The following GLRA3 variants were observed in gnomAD, a reference collection of about 807,000 sequenced individuals.
GLRA3 encodes glycine receptor alpha 3.
Under a neutral mutation model 60.4 loss-of-function variants are expected in GLRA3, and 44 were observed. The observed-to-expected ratio is 0.73, with a 90% CI of 0.57 to 0.94. The LOEUF is 0.94. GLRA3 is among the 40% of genes least tolerant of loss of function. GLRA3 has a pLI of 0.00. For missense variants in GLRA3, 508 were observed against 564.6 expected, an observed-to-expected ratio of 0.90 and a Z score of 1.02; for synonymous variants, 223 against 192.9, an observed-to-expected ratio of 1.16 and a Z score of -1.29.
intron 3 of GLRA3, among the ~76,000 whole-genome samples, chr4:174,744,253 C>T (rs576042878): frequency 6.6e-6 from 1 of 152,374 alleles, no homozygotes; most frequent in African/African-American, 2.4e-5. Context: ...ACCACACTGG[C>T]TGCTCAGGGA....
intron 5 of GLRA3, among the ~76,000 whole-genome samples, chr4:174,692,129 T>A (rs1734850232): frequency 6.6e-6 from 1 of 151,228 alleles, no homozygotes; most frequent in South Asian, 2.1e-4. Flanking sequence ...CTGCCCCGTC[T>A]GAGAAGTGAG....
chr4:174,647,998 A>G (rs1175973809), intron 9 of GLRA3, among the ~76,000 whole-genome samples: 2 of 152,160 alleles, frequency 1.3e-5, no homozygotes, highest in South Asian at 2.1e-4. Context: ...TACATCTTTA[A>G]TTTAATTGAC....
At chr4:174,782,369 T>A (rs1011901372) in intron 2 of GLRA3, among the ~76,000 whole-genome samples, 1 of 151,804 alleles carries the variant, frequency 6.6e-6, no homozygotes, top group Non-Finnish European at 1.5e-5. Flanking sequence ...TCATACTGAA[T>A]GGGGAAAAAC....
At chr4:174,658,456 G>A (rs967570731) in intron 8 of GLRA3, among the ~76,000 whole-genome samples, 1 of 152,122 alleles carries the variant, frequency 6.6e-6, no homozygotes, top group Non-Finnish European at 1.5e-5. Context: ...TTCCTACGGT[G>A]TCTTCATGAT....
At chr4:174,766,438 T>A (rs2093691512) in intron 3 of GLRA3, among the ~76,000 whole-genome samples, 1 of 152,088 alleles carries the variant, frequency 6.6e-6, no homozygotes, top group South Asian at 2.1e-4. Flanking sequence ...AGAAGAAATT[T>A]GGTCTGTAAT....
chr4:174,804,976 T>C (rs1739975474), intron 1 of GLRA3, among the ~76,000 whole-genome samples: 2 of 152,154 alleles, frequency 1.3e-5, no homozygotes, highest in Admixed American at 1.3e-4. Context: ...CAAAGAAAAG[T>C]GAAGATGGAG....
At chr4:174,788,578 C>A (rs528771458) in intron 2 of GLRA3, among the ~76,000 whole-genome samples, 4 of 79,468 alleles carry the variant, frequency 5.0e-5, no homozygotes, top group Admixed American at 1.8e-4. Context: ...AGTATTATAA[C>A]AGTTAGAGAA....
intron 2 of GLRA3, among the ~76,000 whole-genome samples, chr4:174,784,542 C>G (rs75076972): frequency 2.6e-5 from 4 of 151,300 alleles, no homozygotes; most frequent in African/African-American, 4.9e-5. Flanking sequence ...TGCAAATTCA[C>G]TATTCTTACC....
chr4:174,708,005 G>A (rs893578198), intron 5 of GLRA3, among the ~76,000 whole-genome samples: 5 of 152,096 alleles, frequency 3.3e-5, no homozygotes, highest in Middle Eastern at 3.2e-3. Context: ...TATAAGTAGC[G>A]AGTTCATTAC....
At chr4:174,675,461 T>A (rs1232813926) in intron 7 of GLRA3, among the ~76,000 whole-genome samples, 1 of 152,158 alleles carries the variant, frequency 6.6e-6, no homozygotes, top group African/African-American at 2.4e-5. Context: ...CTTTCTGTTG[T>A]GCCTTGTAGA....
chr4:174,688,911 CA>C (rs1303877343), intron 5 of GLRA3, among the ~76,000 whole-genome samples: 3 of 151,866 alleles, frequency 2.0e-5, no homozygotes, highest in African/African-American at 7.3e-5. Flanking sequence ...AAGTAATAAT[CA>C]AAACAGAAAA....
chr4:174,802,928 T>G (rs913794489), intron 1 of GLRA3, among the ~76,000 whole-genome samples: 1 of 152,058 alleles, frequency 6.6e-6, no homozygotes, highest in African/African-American at 2.4e-5. Context: ...GTATCTATAT[T>G]CAGTGCTTGC....
At chr4:174,669,249 A>T (rs927222715) in intron 7 of GLRA3, among the ~76,000 whole-genome samples, 1 of 152,120 alleles carries the variant, frequency 6.6e-6, no homozygotes, top group Non-Finnish European at 1.5e-5. Flanking sequence ...TTCAAACTTC[A>T]TTAAGACCTA....
At chr4:174,824,720 G>T (rs987638157) in intron 1 of GLRA3, among the ~76,000 whole-genome samples, 1 of 151,980 alleles carries the variant, frequency 6.6e-6, no homozygotes, top group African/African-American at 2.4e-5. Context: ...ATCTTACAAG[G>T]CCCACCACAA....
At chr4:174,791,464 T>C (rs1008116073) in intron 1 of GLRA3, among the ~76,000 whole-genome samples, 1 of 152,206 alleles carries the variant, frequency 6.6e-6, no homozygotes, top group African/African-American at 2.4e-5. Flanking sequence ...CAGTTGCCAT[T>C]GGAAACGAAT....
intron 5 of GLRA3, among the ~76,000 whole-genome samples, chr4:174,692,956 A>G (rs946753239): frequency 6.6e-6 from 1 of 152,028 alleles, no homozygotes; most frequent in Non-Finnish European, 1.5e-5. Flanking sequence ...ATAAAAAAAA[A>G]AAAAGAAAAG....
intron 3 of GLRA3, among the ~76,000 whole-genome samples, chr4:174,742,444 A>C (rs1348630567): frequency 6.6e-6 from 1 of 152,148 alleles, no homozygotes; most frequent in East Asian, 1.9e-4. Flanking sequence ...TATAAGTAAT[A>C]AGAAAGAGAA....
rs569497537 is a variant in GLRA3 at position 174,749,818 on chromosome 4, G to C, written c.267+17145C>G. Among the ~76,000 whole-genome samples, 13 of 152,168 alleles carry C rather than the reference G, an allele frequency of 8.5e-5. No homozygotes were observed. In the South Asian group the frequency reaches 2.5e-3, roughly 29 times the overall value. On this transcript the variant is annotated intron_variant, in intron 3 of 9. Transcript: ENST00000274093. ...ACTAAACACAAAGGATTAATCTGTG[G>C]ACTACTAAACTAAAAGGTACATTAT... is the stretch of plus-strand genomic sequence containing the variant.
In GLRA3 at chr4:174,669,946, G is replaced by A. The variant is rs1733840048; in HGVS notation, c.927+7132C>T. Among the ~76,000 whole-genome samples, 4 of 152,242 alleles carry A rather than the reference G, an allele frequency of 2.6e-5. No homozygotes were observed. The South Asian group carries it at 8.3e-4, about 32-fold the overall frequency. On this transcript the variant is annotated intron_variant, in intron 7 of 9. Transcript: ENST00000274093. ...AAAACTTCATTGTTTCCAAAGAGGT[G>A]AATTTAACCAATACTTTCGTCACCA... is the stretch of plus-strand genomic sequence containing the variant.
Sources: gnomAD v4.1 joint callset for allele counts (sites outside exome capture counted in the v4.1 genomes callset) on GRCh38, gnomAD v4.1.1 for gene constraint, MANE v1.5 for transcripts, NCBI Gene and HGNC (gene_info 2026-07-23, HGNC 2026-07-21) for gene names.